SUSD3: variants seen among roughly 807,000 people sequenced by gnomAD.
The protein encoded by SUSD3 is sushi domain-containing protein 3.
In SUSD3, 18 loss-of-function variants were observed where a neutral mutation model predicts 20.6. That is an observed-to-expected ratio of 0.87 (90% CI 0.60 to 1.30). The LOEUF is 1.30. Ranked by LOEUF, SUSD3 falls within the 50% of genes most tolerant of loss-of-function variation. The probability of loss-of-function intolerance (pLI) is 0.00; values close to 1 mark genes in which losing one functional copy is unlikely to be tolerated. For synonymous variants in SUSD3, 137 were observed against 141.5 expected (o/e 0.97, Z 0.23); for missense variants, 306 against 346.9 (o/e 0.88, Z 0.94).
chr9:93,080,336 A>AC (rs1826362269), intron 4 of SUSD3, among the ~76,000 whole-genome samples: 1 of 151,506 alleles, frequency 6.6e-6, no homozygotes, highest in Non-Finnish European at 1.5e-5. Flanking sequence ...AAAAAAAAAA[A>AC]AAAACAAAAC....
chr9:93,083,969 A>AGTGT (rs57230622), intron 4 of SUSD3, among the ~76,000 whole-genome samples: 18 of 151,970 alleles, frequency 1.2e-4, no homozygotes, highest in African/African-American at 4.1e-4. Flanking sequence ...AGCAGAGGCC[A>AGTGT]GTGTGTGTGT....
rs4461963 is a variant in SUSD3 at position 93,077,560 on chromosome 9, C to G, written c.278-286C>G. On this transcript the variant is annotated intron_variant, in intron 2 of 4. Coordinates refer to ENST00000375472, the MANE Select transcript of SUSD3 (RefSeq NM_145006.4). ...CCTGGAAAACCCTGCTTAAATACCC[C>G]CTTTAAATAGCCACTCTGCATACTC... Among the ~76,000 whole-genome samples the G allele has an allele frequency of 4.8e-3, 735 of 152,156 alleles. 6 individuals are homozygous for G. Among genetic ancestry groups the G allele is most frequent in the African/African-American group, 0.017 (692 of 41,492 alleles).
At chr9:93,074,595 G>C (rs1032892306) in intron 1 of SUSD3, among the ~76,000 whole-genome samples, 20 of 149,282 alleles carry the variant, frequency 1.3e-4, no homozygotes, top group Non-Finnish European at 2.1e-4. Context: ...CTTCCCCATA[G>C]AGAAATCTTG....
chr9:93,075,753 C>CCT (rs755805300), intron 1 of SUSD3, 31 bp from the exon 2 acceptor site: 14 of 334,104 alleles, frequency 4.2e-5, no homozygotes, highest in African/African-American at 2.6e-4. Context: ...CCCCCCCCCC[C>CCT]GCCATGCCTC....
intron 1 of SUSD3, among the ~76,000 whole-genome samples, chr9:93,061,957 TC>T (rs1460978997): frequency 2.0e-5 from 3 of 151,942 alleles, no homozygotes; most frequent in Non-Finnish European, 4.4e-5. Context: ...GCAGGCGAGG[TC>T]AGGTTATAGG....
At chr9:93,065,944 A>G (rs1825693414) in intron 1 of SUSD3, among the ~76,000 whole-genome samples, 1 of 152,196 alleles carries the variant, frequency 6.6e-6, no homozygotes. Context: ...GAGTCAGCCC[A>G]GGGTTATAGG....
Position 93,058,797 on chromosome 9 carries a change from G to A in SUSD3, c.55G>A (p.Gly19Arg). 8.0e-7 allele frequency: 1 copy of A among 1,246,678 alleles called. No individual in the cohort carries two copies. The highest frequency in any genetic ancestry group is 1.0e-6 in the Non-Finnish European group (1 of 995,252). The allele number at this position is 1,246,678 out of a possible 1,614,324, so 77.2% of individuals were successfully genotyped here. A position where few individuals can be genotyped will look rare whatever the true frequency, so the allele number is the denominator to read the frequency against. Residue 19 changes from glycine to arginine, a missense_variant, in exon 1 of 5, where the codon GGG (glycine) becomes AGG (arginine). Transcript: ENST00000375472. Reference protein sequence around the residue: ...RGKARPRGRAGVTTPAPGNRT... With the variant: ...RGKARPRGRARVTTPAPGNRT... Reference sequence around the variant, plus strand: ...CAAGGCGAGGCCCCGGGGGCGGGCCGGGGTCACCACGCCTGCCCCAGGGAA... The same window carrying A: ...CAAGGCGAGGCCCCGGGGGCGGGCCAGGGTCACCACGCCTGCCCCAGGGAA...
chr9:93,079,642 G>A (rs1587920159), intron 4 of SUSD3, 40 bp downstream of exon 4: 1 of 1,608,106 alleles, frequency 6.2e-7, no homozygotes, highest in East Asian at 2.2e-5. Context: ...TGGGGGACAA[G>A]GGGTCCAGCT....
intron 3 of SUSD3, 121 bp from the exon 4 acceptor site, chr9:93,079,350 G>T: frequency 9.2e-7 from 1 of 1,082,386 alleles, no homozygotes; most frequent in Middle Eastern, 2.1e-4. Flanking sequence ...AGCTCTTTGA[G>T]AGGTTTGCCA....
At chr9:93,069,682 C>G (rs182993335) in intron 1 of SUSD3, among the ~76,000 whole-genome samples, 22 of 152,280 alleles carry the variant, frequency 1.4e-4, no homozygotes, top group Admixed American at 3.9e-4. Flanking sequence ...CCTTGCTGAA[C>G]TAATTTCTAT....
chr9:93,074,050 C>T (rs1448960006), intron 1 of SUSD3, among the ~76,000 whole-genome samples: 11 of 152,302 alleles, frequency 7.2e-5, no homozygotes, highest in Admixed American at 5.9e-4. Context: ...GGTGCAATGG[C>T]ATCCAGCCAC....
At chr9:93,083,132 G>A (rs912970847) in intron 4 of SUSD3, among the ~76,000 whole-genome samples, 4 of 152,226 alleles carry the variant, frequency 2.6e-5, no homozygotes, top group Admixed American at 6.5e-5. Context: ...GGAGGAGGCC[G>A]GCTTAGGGGC....
intron 1 of SUSD3, among the ~76,000 whole-genome samples, chr9:93,073,023 A>G (rs1326212460): frequency 1.3e-5 from 2 of 152,018 alleles, no homozygotes; most frequent in African/African-American, 4.8e-5. Flanking sequence ...CACAGAGGAC[A>G]GAGGAAGGTC....
At chr9:93,071,049 G>T (rs571070028) in intron 1 of SUSD3, among the ~76,000 whole-genome samples, 2 of 152,272 alleles carry the variant, frequency 1.3e-5, no homozygotes, top group East Asian at 3.9e-4. Flanking sequence ...GAAAACAGTG[G>T]CCTAACTCCA....
intron 1 of SUSD3, 39 bp from the exon 2 acceptor site, chr9:93,075,745 C>G: frequency 5.6e-6 from 1 of 177,996 alleles, no homozygotes; most frequent in African/African-American, 3.3e-5. Context: ...TGCCCACCCC[C>G]CCCCCCCCGC....
intron 4 of SUSD3, among the ~76,000 whole-genome samples, chr9:93,083,734 C>T (rs1826521719): frequency 6.6e-6 from 1 of 152,218 alleles, no homozygotes; most frequent in Non-Finnish European, 1.5e-5. Context: ...CTTTCACTTA[C>T]TCATTGCATA....
At chr9:93,060,325 C>T (rs1825455883) in intron 1 of SUSD3, among the ~76,000 whole-genome samples, 1 of 152,070 alleles carries the variant, frequency 6.6e-6, no homozygotes, top group African/African-American at 2.4e-5. Flanking sequence ...CCTCAGTTTC[C>T]CCATGTGCCC....
At chr9:93,074,722 C>G (rs1356499983) in intron 1 of SUSD3, among the ~76,000 whole-genome samples, 2 of 143,930 alleles carry the variant, frequency 1.4e-5, no homozygotes, top group Non-Finnish European at 3.0e-5. Context: ...TCAATCGATT[C>G]TCCTGCCTCA....
intron 1 of SUSD3, among the ~76,000 whole-genome samples, chr9:93,073,450 G>C (rs1014534026): frequency 3.3e-5 from 5 of 151,990 alleles, no homozygotes; most frequent in Non-Finnish European, 5.9e-5. Context: ...GGGTTTCACC[G>C]TGTTAGCCAG....
Sources: allele counts gnomAD v4.1 joint callset (sites outside exome capture counted in the v4.1 genomes callset), GRCh38; gene constraint gnomAD v4.1.1; transcripts MANE v1.5; gene names NCBI Gene and HGNC (gene_info 2026-07-23, HGNC 2026-07-21).